ANKS1B: variants seen among roughly 807,000 people sequenced by gnomAD.
ANKS1B encodes the protein ankyrin repeat and sterile alpha motif domain-containing protein 1B.
Under a neutral mutation model 148.3 loss-of-function variants are expected in ANKS1B, and 36 were observed. The ratio of observed to expected loss-of-function variants is 0.24; its 90% CI spans 0.19 to 0.32. The LOEUF (loss-of-function observed/expected upper bound fraction) is 0.32. Ranked by LOEUF, ANKS1B falls within the 10% of genes least tolerant of loss-of-function variation. ANKS1B has a pLI of 1.00. For missense variants in ANKS1B, 1,157 were observed against 1,542.6 expected, an observed-to-expected ratio of 0.75 and a Z score of 4.19; for synonymous variants, 542 against 560.8, an observed-to-expected ratio of 0.97 and a Z score of 0.47.
rs113434143 is a variant in ANKS1B, at chr12:99,168,519, CA to C, written c.2420-14125del. Among the ~76,000 whole-genome samples, 839 of 68,688 alleles carry C rather than the reference CA, an allele frequency of 0.012. 22 individuals are homozygous for C. The East Asian group carries it at 0.15, about 12-fold the overall frequency. The allele number at this position is 68,688 out of a possible 152,430, so 45.1% of individuals were successfully genotyped here. ...GGGCAACAAGAGCAAAACTCCATCTCAAAAAAAAAAAAAAGGAAGTTAAAAA... is the reference window on the plus strand; with the variant it reads ...GGGCAACAAGAGCAAAACTCCATCTCAAAAAAAAAAAAAGGAAGTTAAAAA... On this transcript the variant is annotated intron_variant, in intron 14 of 26. Coordinates refer to ENST00000683438, the MANE Select transcript of ANKS1B (RefSeq NM_001352186.2).
intron 15 of ANKS1B, among the ~76,000 whole-genome samples, chr12:99,136,478 C>G (rs1164538748): frequency 6.6e-6 from 1 of 152,158 alleles, no homozygotes; most frequent in Non-Finnish European, 1.5e-5. Context: ...GAAACACACA[C>G]ACAAAAAAAT....
rs139584573 is a variant in ANKS1B, at chr12:99,470,936, A to G, written c.1439-27127T>C. Among the ~76,000 whole-genome samples the G allele has an allele frequency of 7.5e-4, 114 of 152,224 alleles. 1 individual carries two copies. Among genetic ancestry groups the G allele is most frequent in the African/African-American group, 2.6e-3 (110 of 41,558 alleles). Reference sequence around the variant, plus strand: ...CATATATTTCCTTTGAAATGCTATCATGTTCTTCAAGTTATATGAATACTA... The same window carrying G: ...CATATATTTCCTTTGAAATGCTATCGTGTTCTTCAAGTTATATGAATACTA... On this transcript the variant is annotated intron_variant, in intron 10 of 26. Transcript: ENST00000683438.
At chr12:99,426,286 G>A (rs1157185099) in intron 11 of ANKS1B, among the ~76,000 whole-genome samples, 2 of 151,786 alleles carry the variant, frequency 1.3e-5, no homozygotes, top group Admixed American at 1.3e-4. Flanking sequence ...ATGTATAATT[G>A]CAATTATTAT....
chr12:99,502,156 T>C (rs1428027300), intron 10 of ANKS1B, among the ~76,000 whole-genome samples: 2 of 152,156 alleles, frequency 1.3e-5, no homozygotes, highest in Non-Finnish European at 2.9e-5. Context: ...ACACCTGATA[T>C]TCCCCTACCC....
intron 12 of ANKS1B, among the ~76,000 whole-genome samples, chr12:99,320,424 C>T (rs914247004): frequency 5.9e-5 from 9 of 152,264 alleles, no homozygotes; most frequent in East Asian, 3.9e-4. Flanking sequence ...CTTCTCTTCT[C>T]GCTTCATTTC....
At chr12:99,368,786 A>G (rs1566969547) in intron 12 of ANKS1B, among the ~76,000 whole-genome samples, 1 of 152,162 alleles carries the variant, frequency 6.6e-6, no homozygotes, top group African/African-American at 2.4e-5. Flanking sequence ...CTAATAAACC[A>G]ACTTTTCACT....
chr12:98,821,647 T>C (rs2099193139), intron 19 of ANKS1B, among the ~76,000 whole-genome samples: 3 of 152,146 alleles, frequency 2.0e-5, no homozygotes, highest in African/African-American at 7.2e-5. Flanking sequence ...CTTGCTCTGT[T>C]TCCCAGGCTG....
At chr12:99,809,904 T>C (rs914921453) in intron 3 of ANKS1B, among the ~76,000 whole-genome samples, 7 of 152,076 alleles carry the variant, frequency 4.6e-5, no homozygotes, top group African/African-American at 9.6e-5. Flanking sequence ...TGGCTGCATT[T>C]CTTAGTAGCT....
chr12:99,556,923 T>C (rs949291720), intron 9 of ANKS1B, among the ~76,000 whole-genome samples: 1 of 152,168 alleles, frequency 6.6e-6, no homozygotes, highest in African/African-American at 2.4e-5. Flanking sequence ...TATTACATTG[T>C]TTTGGAGTGG....
intron 12 of ANKS1B, among the ~76,000 whole-genome samples, chr12:99,391,250 T>A (rs1384883557): frequency 1.3e-5 from 2 of 152,304 alleles, no homozygotes; most frequent in Non-Finnish European, 2.9e-5. Flanking sequence ...AATCAGATCA[T>A]CTCTCTTCGT....
chr12:99,462,891 G>T (rs556645248), intron 10 of ANKS1B, among the ~76,000 whole-genome samples: 1 of 152,244 alleles, frequency 6.6e-6, no homozygotes, highest in Non-Finnish European at 1.5e-5. Flanking sequence ...CTCATCATGT[G>T]ATATGCCTTC....
At chr12:99,121,473 C>T (rs1185661663) in intron 15 of ANKS1B, among the ~76,000 whole-genome samples, 3 of 152,006 alleles carry the variant, frequency 2.0e-5, no homozygotes, top group Non-Finnish European at 2.9e-5. Flanking sequence ...TTGATGTTCA[C>T]TCAAACACTT....
intron 12 of ANKS1B, among the ~76,000 whole-genome samples, chr12:99,398,432 C>G (rs2094313710): frequency 6.6e-6 from 1 of 152,094 alleles, no homozygotes; most frequent in Non-Finnish European, 1.5e-5. Flanking sequence ...CTTCATTATT[C>G]TAAATTCAAA....
downstream of ANKS1B, among the ~76,000 whole-genome samples, chr12:98,741,356 T>C (rs2097797769): frequency 6.6e-6 from 1 of 152,192 alleles, no homozygotes; most frequent in Admixed American, 6.5e-5. Context: ...ACTGAACAAG[T>C]TCACAAACAA....
chr12:98,983,203 C>T lies in ANKS1B; in HGVS notation c.2778+69954G>A, dbSNP rs562897145. Reference sequence around the variant, plus strand: ...AAGTTTCAGCTGGGCTGACTCTTATCTAGAGGCGCTGTGGAAAAATCTGCT... The same window carrying T: ...AAGTTTCAGCTGGGCTGACTCTTATTTAGAGGCGCTGTGGAAAAATCTGCT... On this transcript the variant is annotated intron_variant, in intron 17 of 26. Coordinates refer to ENST00000683438, the MANE Select transcript of ANKS1B (RefSeq NM_001352186.2). Among the ~76,000 whole-genome samples, 97 of 152,216 alleles carry T rather than the reference C, an allele frequency of 6.4e-4. 1 individual carries two copies. The highest frequency in any genetic ancestry group is 6.0e-4 in the Non-Finnish European group (41 of 68,038).
intron 14 of ANKS1B, among the ~76,000 whole-genome samples, chr12:99,220,738 C>T (rs557446302): frequency 1.6e-4 from 24 of 152,090 alleles, no homozygotes; most frequent in Admixed American, 7.9e-4. Flanking sequence ...TGAGCCACTG[C>T]GCCCGGCCTA....
At chr12:98,990,970 G>A (rs765424271) in intron 17 of ANKS1B, among the ~76,000 whole-genome samples, 9 of 152,196 alleles carry the variant, frequency 5.9e-5, no homozygotes, top group Non-Finnish European at 1.2e-4. Flanking sequence ...CACCTGAACC[G>A]AGGTATTTGA....
intron 14 of ANKS1B, among the ~76,000 whole-genome samples, chr12:99,223,312 G>T (rs1826374): frequency 6.6e-5 from 10 of 151,980 alleles, no homozygotes; most frequent in Non-Finnish European, 1.5e-5. Context: ...CCAGGGTGGA[G>T]GATAGTTTTG....
At chr12:99,144,133 AT>A (rs895334432) in intron 15 of ANKS1B, among the ~76,000 whole-genome samples, 1 of 151,856 alleles carries the variant, frequency 6.6e-6, no homozygotes, top group African/African-American at 2.4e-5. Flanking sequence ...AATTGGCTAT[AT>A]TTTTTTTCTT....
Sources: gnomAD v4.1 joint callset for allele counts (sites outside exome capture counted in the v4.1 genomes callset) on GRCh38, gnomAD v4.1.1 for gene constraint, MANE v1.5 for transcripts, NCBI Gene and HGNC (gene_info 2026-07-23, HGNC 2026-07-21) for gene names.